The following CAMSAP1 variants were observed in gnomAD, a reference collection of about 807,000 sequenced individuals.
The protein encoded by CAMSAP1 is calmodulin-regulated spectrin-associated protein 1.
Under a neutral mutation model 143.5 loss-of-function variants are expected in CAMSAP1, and 58 were observed. The observed-to-expected ratio is 0.40, with a 90% CI of 0.33 to 0.50. The LOEUF is 0.50. Ranked by LOEUF, CAMSAP1 falls within the 20% of genes least tolerant of loss-of-function variation. The pLI, the probability that CAMSAP1 is intolerant of heterozygous loss-of-function variation, is 0.45. For missense variants in CAMSAP1, 1,969 were observed against 2,115.7 expected (o/e 0.93, Z 1.36); for synonymous variants, 945 against 859.3 (o/e 1.10, Z -1.74).
At chr9:135,877,652 A>T (rs146920228) in intron 3 of CAMSAP1, among the ~76,000 whole-genome samples, 242 of 152,056 alleles carry the variant, frequency 1.6e-3, no homozygotes, top group African/African-American at 4.2e-3. Flanking sequence ...ATTAAAAAAA[A>T]TTTTTTTTAA....
chr9:135,862,898 A>G (rs1411211795), intron 4 of CAMSAP1, among the ~76,000 whole-genome samples: 3 of 152,188 alleles, frequency 2.0e-5, no homozygotes, highest in African/African-American at 7.2e-5. Context: ...AGAGGCTGCC[A>G]CTAGTGCAGG....
intron 1 of CAMSAP1, among the ~76,000 whole-genome samples, chr9:135,900,343 T>A (rs1251528991): frequency 6.6e-6 from 1 of 152,070 alleles, no homozygotes; most frequent in African/African-American, 2.4e-5. Context: ...AGTTTAATTT[T>A]GACTAGTTGA....
At position 135,826,315 on chromosome 9, in the gene CAMSAP1, A is replaced by C. The variant is rs1305057377; in HGVS notation, c.1223+1092T>G. ...CAGCCTCGAGCCATTCTCCTCACTC[A>C]GTGACCCCGCCTGTGCCCGCGGGCA... On this transcript the variant is annotated intron_variant, in intron 8 of 16. Transcript: ENST00000389532. This position sits in a 1 kb window ranked among gnomAD's most constrained non-coding sequence, Gnocchi z 4.4. 6.6e-6 allele frequency: 1 copy of C among 152,246 alleles called. No homozygotes were observed. 9.4% of individuals were successfully genotyped at this position (152,246 alleles called of 1,614,324 possible).
In CAMSAP1 at chr9:135,820,739, C is replaced by A; in HGVS notation, c.3822+100G>T. ...CACATCCCCTGGCCTCTTACAGGAG[C>A]GGCTGGCCAGCCTGGTGCAGATCTG... On this transcript the variant is annotated intron_variant, in intron 11 of 16. Coordinates refer to ENST00000389532, the MANE Select transcript of CAMSAP1 (RefSeq NM_015447.4). This position sits in a 1 kb window ranked among gnomAD's most constrained non-coding sequence, Gnocchi z 4.4. 6.9e-7 allele frequency: 1 copy of A among 1,455,342 alleles called. No homozygotes were observed. Among genetic ancestry groups the A allele is most frequent in the Non-Finnish European group, 9.2e-7 (1 of 1,082,394 alleles). 90.2% of individuals were successfully genotyped at this position (1,455,342 alleles called of 1,614,324 possible).
At position 135,822,593 on chromosome 9, in the gene CAMSAP1, G is replaced by A; in HGVS notation, c.2068C>T (p.Pro690Ser). ...TCCGTGGATGGTCCCTGGGGGAACG[G>A]ATCGAATCCGCCAAGGGCCAGAGGC... ...GGPLALGGFDPFPQGPSTDGF... is the reference protein window; with the variant it reads ...GGPLALGGFDSFPQGPSTDGF... The change falls in exon 11 of 17, where the codon CCG (proline) becomes TCG (serine). Residue 690 changes from proline to serine, a missense_variant. Transcript: ENST00000389532. This position sits in a 1 kb window ranked among gnomAD's most constrained non-coding sequence, Gnocchi z 6.1. The A allele has an allele frequency of 6.2e-7, 1 of 1,613,292 alleles. No individual in the cohort carries two copies. The highest frequency in any genetic ancestry group is 8.5e-7 in the Non-Finnish European group (1 of 1,179,774).
At chr9:135,892,637 G>A (rs1564461351) in intron 1 of CAMSAP1, among the ~76,000 whole-genome samples, 2 of 151,912 alleles carry the variant, frequency 1.3e-5, no homozygotes, top group African/African-American at 4.8e-5. Context: ...TGGATCACGA[G>A]GTCAGGAGTT....
chr9:135,825,043 G>A (rs957966360), intron 8 of CAMSAP1, among the ~76,000 whole-genome samples, 163 bp from the exon 9 acceptor site: 2 of 152,146 alleles, frequency 1.3e-5, no homozygotes, highest in African/African-American at 4.8e-5. Context: ...AGAGTATCAG[G>A]AACTTCCAAC....
chr9:135,818,650 C>CA lies in CAMSAP1; in HGVS notation c.3960-35dup. ...AACACACGCCCAGACACTGCTCGGT[C>CA]ACGGGGCTTCTTCCACGACGCCTGC... On this transcript the variant is annotated intron_variant, in intron 12 of 16. Coordinates refer to ENST00000389532, the MANE Select transcript of CAMSAP1 (RefSeq NM_015447.4). This position sits in a 1 kb window ranked among gnomAD's most constrained non-coding sequence, Gnocchi z 7.7. 6.2e-7 allele frequency: 1 copy of CA among 1,601,956 alleles called. No homozygotes were observed. Among genetic ancestry groups the CA allele is most frequent in the Non-Finnish European group, 8.5e-7 (1 of 1,172,768 alleles).
At chr9:135,857,598 C>T (rs1031549984) in intron 5 of CAMSAP1, among the ~76,000 whole-genome samples, 2 of 152,240 alleles carry the variant, frequency 1.3e-5, no homozygotes, top group African/African-American at 4.8e-5. Context: ...TGCTCACCTG[C>T]ACCATCTCTG....
intron 5 of CAMSAP1, among the ~76,000 whole-genome samples, chr9:135,855,761 A>G (rs902435753): frequency 2.0e-5 from 3 of 149,614 alleles, no homozygotes; most frequent in African/African-American, 7.4e-5. Context: ...AAAAAAAAAA[A>G]AAAAAAAAAG....
At chr9:135,873,566 T>C (rs1837635476) in intron 3 of CAMSAP1, among the ~76,000 whole-genome samples, 1 of 151,978 alleles carries the variant, frequency 6.6e-6, no homozygotes, top group South Asian at 2.1e-4. Flanking sequence ...ATGAAAGAAA[T>C]TGCCAACCTC....
At chr9:135,893,261 T>TGAAAGAAA (rs139170834) in intron 1 of CAMSAP1, among the ~76,000 whole-genome samples, 5 of 105,892 alleles carry the variant, frequency 4.7e-5, no homozygotes, top group African/African-American at 1.8e-4. Context: ...AGGAGAGAGA[T>TGAAAGAAA]GAAAGAAAGA....
intron 3 of CAMSAP1, among the ~76,000 whole-genome samples, chr9:135,870,821 A>T (rs1489761538): frequency 6.6e-6 from 1 of 152,172 alleles, no homozygotes; most frequent in African/African-American, 2.4e-5. Flanking sequence ...AAAAAAATTT[A>T]AAAATCCACT....
At chr9:135,893,003 T>C (rs546277681) in intron 1 of CAMSAP1, among the ~76,000 whole-genome samples, 1 of 152,052 alleles carries the variant, frequency 6.6e-6, no homozygotes, top group Non-Finnish European at 1.5e-5. Flanking sequence ...ACCCTATCTC[T>C]ACAAAAAGTT....
chr9:135,839,688 T>C (rs1211778609), intron 7 of CAMSAP1, among the ~76,000 whole-genome samples: 1 of 151,542 alleles, frequency 6.6e-6, no homozygotes, highest in African/African-American at 2.4e-5. Flanking sequence ...TAAGGCCGAG[T>C]GCACCCATAA....
rs1243967139 is a variant in CAMSAP1 at position 135,822,519 on chromosome 9, C to A, written c.2142G>T (p.Arg714Ser). Residue 714 changes from arginine (R) to serine (S), a missense_variant, in exon 11 of 17, where the codon AGG (arginine) becomes AGT (serine). Around this residue, in one of 4 missense-constraint regions of CAMSAP1, gnomAD observed 1,390 missense variants for 1,420.8 expected, o/e 0.98. Coordinates refer to ENST00000389532, the MANE Select transcript of CAMSAP1 (RefSeq NM_015447.4). The surrounding 1 kb of genome is among the most constrained non-coding windows in gnomAD (Gnocchi z 6.1). ...VGRADEDTEG[R>S]LYVSCSKSPN... The stretch of plus-strand genomic sequence containing the variant: ...GGCTTTTTGAACAACTAACATATAA[C>A]CTTCCCTCGGTGTCTTCATCGGCCC... 8.7e-6 allele frequency: 14 copies of A among 1,613,760 alleles called. No homozygotes were observed. The highest frequency in any genetic ancestry group is 1.2e-5 in the Non-Finnish European group (14 of 1,179,884).
rs192325253 is a variant in CAMSAP1, at chr9:135,890,428, G to T, written c.161-7350C>A. On this transcript the variant is annotated intron_variant, in intron 1 of 16. Coordinates refer to ENST00000389532, the MANE Select transcript of CAMSAP1 (RefSeq NM_015447.4). The stretch of plus-strand genomic sequence containing the variant: ...GAACCCGTCCCTCTTCCTGGACCGC[G>T]GTTTCCCCCTGAGGGCGCCTGGGAG... Among the ~76,000 whole-genome samples, 386 of 152,198 alleles carry T rather than the reference G, an allele frequency of 2.5e-3. 1 individual carries two copies. Among genetic ancestry groups the T allele is most frequent in the Non-Finnish European group, 4.9e-3 (330 of 68,032 alleles).
chr9:135,811,632 G>A lies in CAMSAP1; in HGVS notation c.4507-21C>T. The A allele has an allele frequency of 6.4e-7, 1 of 1,562,776 alleles. No homozygotes were observed. The highest frequency in any genetic ancestry group is 8.7e-7 in the Non-Finnish European group (1 of 1,152,418). On this transcript the variant is annotated intron_variant, in intron 16 of 16. Coordinates refer to ENST00000389532, the MANE Select transcript of CAMSAP1 (RefSeq NM_015447.4). The surrounding 1 kb of genome is among the most constrained non-coding windows in gnomAD (Gnocchi z 4.9). ...AGCTCCTGTGCAGAGAGAGAAAAGGGGAAGAGACAAACACTTCAGGGCCAC... is the reference window on the plus strand; with the variant it reads ...AGCTCCTGTGCAGAGAGAGAAAAGGAGAAGAGACAAACACTTCAGGGCCAC...
At chr9:135,893,998 C>A (rs1838369831) in intron 1 of CAMSAP1, among the ~76,000 whole-genome samples, 1 of 152,108 alleles carries the variant, frequency 6.6e-6, no homozygotes, top group East Asian at 1.9e-4. Flanking sequence ...TTCTTACGAC[C>A]CCCCACCCAA....
Sources: allele counts gnomAD v4.1 joint callset (sites outside exome capture counted in the v4.1 genomes callset), GRCh38; gene constraint gnomAD v4.1.1; regional missense constraint gnomAD v4.1.1; non-coding constraint Gnocchi (gnomAD v3.1); transcripts MANE v1.5; gene names NCBI Gene and HGNC (gene_info 2026-07-23, HGNC 2026-07-21).